Variants in LIMCH1 observed in about 807,000 individuals in gnomAD.
The protein encoded by LIMCH1 is LIM and calponin homology domains-containing protein 1.
In LIMCH1, 113 loss-of-function variants were observed where a neutral mutation model predicts 176.5. The ratio of observed to expected loss-of-function variants is 0.64; its 90% CI spans 0.55 to 0.75. The LOEUF is 0.75. LIMCH1 is among the 30% of genes least tolerant of loss of function. LIMCH1 has a pLI of 0.00. For synonymous variants in LIMCH1, 619 were observed against 645.9 expected, an observed-to-expected ratio of 0.96 and a Z score of 0.63; for missense variants, 1,674 against 1,814.9, an observed-to-expected ratio of 0.92 and a Z score of 1.41.
At chr4:41,366,928 G>A (rs912559597) in intron 1 of LIMCH1, among the ~76,000 whole-genome samples, 2 of 152,188 alleles carry the variant, frequency 1.3e-5, no homozygotes, top group Non-Finnish European at 2.9e-5. Flanking sequence ...ACAGTTCCAC[G>A]TGGCTGGGGA....
chr4:41,410,622 C>T (rs1387107660), intron 1 of LIMCH1, among the ~76,000 whole-genome samples: 1 of 152,074 alleles, frequency 6.6e-6, no homozygotes, highest in East Asian at 1.9e-4. Context: ...CTCTGTGCTC[C>T]CTGCAAGACA....
Position 41,447,792 on chromosome 4 carries a change from A to AT in LIMCH1, c.97-46735dup, listed in dbSNP as rs201513757. ...ATCAAGCTAGTGGGTTGGGAGTAGCATTTTTTTTTCGTTTTTGAGACAGGG... is the reference window on the plus strand; with the variant it reads ...ATCAAGCTAGTGGGTTGGGAGTAGCATTTTTTTTTTCGTTTTTGAGACAGGG... On this transcript the variant is annotated intron_variant, in intron 1 of 26. Coordinates refer to the LIMCH1 transcript ENST00000313860. Among the ~76,000 whole-genome samples, 89 of 149,648 alleles carry AT rather than the reference A, an allele frequency of 5.9e-4. 1 individual carries two copies. In the East Asian group the frequency reaches 0.015, roughly 25 times the overall value.
At chr4:41,624,487 C>T (rs1228799460) in intron 7 of LIMCH1, among the ~76,000 whole-genome samples, 2 of 151,774 alleles carry the variant, frequency 1.3e-5, no homozygotes, top group Non-Finnish European at 2.9e-5. Flanking sequence ...ATAACTTGCA[C>T]GAACCTTTGT....
Position 41,682,361 on chromosome 4 carries a change from A to G in LIMCH1, c.3746A>G (p.Asp1249Gly). The G allele has an allele frequency of 1.2e-6, 2 of 1,612,448 alleles. No individual in the cohort carries two copies. The highest frequency in any genetic ancestry group is 1.7e-6 in the Non-Finnish European group (2 of 1,178,654). Residue 1249 changes from aspartate to glycine, a missense_variant, in exon 26 of 32, where the codon GAT becomes GGT. This residue lies in a region of LIMCH1 where 1,015 missense variants were observed against 1,102.5 expected (regional missense o/e 0.92). Transcript: ENST00000503057. ...MNKIDLGNCQ[D>G]EKQDRRWKKS... Reference sequence around the variant, plus strand: ...AAGATAGACCTGGGAAACTGTCAAGATGAAAAACAAGACAGAAGATGGAAG... The same window carrying G: ...AAGATAGACCTGGGAAACTGTCAAGGTGAAAAACAAGACAGAAGATGGAAG...
chr4:41,691,379 C>G (rs1208685597), intron 30 of LIMCH1, among the ~76,000 whole-genome samples: 1 of 152,088 alleles, frequency 6.6e-6, no homozygotes, highest in Non-Finnish European at 1.5e-5. Context: ...TCTTTCTGCA[C>G]TCAGCCTGTG....
intron 3 of LIMCH1, among the ~76,000 whole-genome samples, chr4:41,530,814 AAAAAATTT>A (rs1412614107): frequency 6.8e-6 from 1 of 146,354 alleles, no homozygotes; most frequent in African/African-American, 2.6e-5. Context: ...AAAAAAAAAA[AAAAAATTT>A]TTTTTTTTTT....
In LIMCH1 at chr4:41,613,604, G is replaced by A; in HGVS notation, c.148G>A (p.Gly50Ser). 1 of 1,614,140 alleles carries A rather than the reference G, an allele frequency of 6.2e-7. No individual in the cohort carries two copies. The highest frequency in any genetic ancestry group is 8.5e-7 in the Non-Finnish European group (1 of 1,180,022). The change falls in exon 5 of 32, where the codon GGC becomes AGC. Residue 50 changes from glycine to serine, a missense_variant. By Grantham distance (56) the Gly-to-Ser change is moderately conservative. Coordinates refer to ENST00000503057, the MANE Select transcript of LIMCH1 (RefSeq NM_001330672.2). ...TTCCTTCGACAGCCTGGATTCCTTT[G>A]GCTCTCGCTCTCGGCAGACGCCTTC... is the stretch of plus-strand genomic sequence containing the variant. ...DDSFDSLDSF[G>S]SRSRQTPSPD...
intron 1 of LIMCH1, among the ~76,000 whole-genome samples, chr4:41,387,090 T>C (rs1197507193): frequency 6.6e-6 from 1 of 152,228 alleles, no homozygotes; most frequent in Non-Finnish European, 1.5e-5. Context: ...AGACAAAAAT[T>C]GTTATCTATG....
intron 1 of LIMCH1, among the ~76,000 whole-genome samples, chr4:41,566,950 A>G (rs1028456207): frequency 6.6e-6 from 1 of 152,212 alleles, no homozygotes; most frequent in East Asian, 1.9e-4. Flanking sequence ...TGTCAATCCT[A>G]TAATTCTTTG....
intron 2 of LIMCH1, among the ~76,000 whole-genome samples, chr4:41,600,628 C>T (rs1248626244): frequency 1.3e-5 from 2 of 152,224 alleles, no homozygotes; most frequent in African/African-American, 4.8e-5. Context: ...AAATGAGGAT[C>T]TAGCCCTAGG....
intron 1 of LIMCH1, chr4:41,389,209 ATCAGC>A (rs1561211107): frequency 6.6e-6 from 1 of 152,384 alleles, no homozygotes; most frequent in Non-Finnish European, 1.5e-5. Context: ...GGCCTCTAAG[ATCAGC>A]CCCCTGGGTC....
chr4:41,413,891 T>G (rs1364731236), intron 1 of LIMCH1, among the ~76,000 whole-genome samples: 1 of 152,088 alleles, frequency 6.6e-6, no homozygotes, highest in Admixed American at 6.6e-5. Flanking sequence ...GGGAGAAGAT[T>G]AATGACTGAG....
intron 1 of LIMCH1, among the ~76,000 whole-genome samples, chr4:41,424,243 C>T (rs2060878981): frequency 6.6e-6 from 1 of 152,026 alleles, no homozygotes; most frequent in Non-Finnish European, 1.5e-5. Context: ...ATGATTCTGT[C>T]TTCTGATCTT....
intron 1 of LIMCH1, among the ~76,000 whole-genome samples, chr4:41,589,452 C>T (rs2087091895): frequency 6.6e-6 from 1 of 152,076 alleles, no homozygotes. Context: ...CTTGTAAGGA[C>T]ATAGGCTTTT....
chr4:41,672,209 A>C (rs1275406203), intron 22 of LIMCH1, among the ~76,000 whole-genome samples: 1 of 152,106 alleles, frequency 6.6e-6, no homozygotes, highest in African/African-American at 2.4e-5. Flanking sequence ...GTCTCTACTG[A>C]AAACACAAAA....
chr4:41,514,176 A>G (rs547122951), intron 2 of LIMCH1, among the ~76,000 whole-genome samples: 2 of 152,256 alleles, frequency 1.3e-5, no homozygotes, highest in East Asian at 3.9e-4. Flanking sequence ...CACTCAACAA[A>G]CAAAAATTGA....
At chr4:41,657,937 A>G (rs2152967856) in intron 18 of LIMCH1, among the ~76,000 whole-genome samples, 1 of 152,184 alleles carries the variant, frequency 6.6e-6, no homozygotes, top group South Asian at 2.1e-4. Context: ...AAAGAAAGGG[A>G]ATGGAAAAAG....
At chr4:41,528,368 A>AATAAAAAAG (rs1298786471) in intron 3 of LIMCH1, among the ~76,000 whole-genome samples, 1 of 152,168 alleles carries the variant, frequency 6.6e-6, no homozygotes, top group Non-Finnish European at 1.5e-5. Flanking sequence ...AAAGTTGAGG[A>AATAAAAAAG]TTAAAATACA....
intron 1 of LIMCH1, among the ~76,000 whole-genome samples, chr4:41,421,164 G>T (rs1373447367): frequency 1.3e-5 from 2 of 152,204 alleles, no homozygotes; most frequent in Admixed American, 1.3e-4. Flanking sequence ...CTAGCAGTGA[G>T]ATCCTGGTTA....
Sources: gnomAD v4.1 joint callset for allele counts (sites outside exome capture counted in the v4.1 genomes callset) on GRCh38, gnomAD v4.1.1 for gene constraint, gnomAD v4.1.1 regional missense constraint, MANE v1.5 for transcripts, NCBI Gene and HGNC (gene_info 2026-07-23, HGNC 2026-07-21) for gene names.